ASIC2: variants seen among roughly 807,000 people sequenced by gnomAD.
ASIC2 encodes the protein acid sensing ion channel subunit 2.
Under a neutral mutation model 57.3 loss-of-function variants are expected in ASIC2, and 25 were observed. The observed-to-expected ratio is 0.44, with a 90% CI of 0.32 to 0.61. The LOEUF is 0.61. ASIC2 is among the 20% of genes least tolerant of loss of function. ASIC2 has a pLI of 0.06. For missense variants in ASIC2, 641 were observed against 738.1 expected, an observed-to-expected ratio of 0.87 and a Z score of 1.52; for synonymous variants, 319 against 307.5, an observed-to-expected ratio of 1.04 and a Z score of -0.39.
At chr17:33,979,924 A>C (rs955734053) in intron 1 of ASIC2, among the ~76,000 whole-genome samples, 2 of 152,014 alleles carry the variant, frequency 1.3e-5, no homozygotes, top group Non-Finnish European at 2.9e-5. Flanking sequence ...AAGTAACTAG[A>C]CTTCTCTCTG....
chr17:33,582,145 A>G lies in ASIC2; in HGVS notation c.556-470078T>C, dbSNP rs537897261. 6.6e-5 allele frequency among the ~76,000 whole-genome samples: 10 copies of G among 152,314 alleles called. No homozygotes were observed. The East Asian group carries it at 1.9e-3, about 29-fold the overall frequency. ...TAGTTTTAAGCCACCGAGTTTGGCA[A>G]TTTGTTACAACAGCTGTCGAAAATG... is the stretch of plus-strand genomic sequence containing the variant. On this transcript the variant is annotated intron_variant, in intron 1 of 9. Transcript: ENST00000359872.
chr17:33,332,400 A>C (rs1264468872), intron 1 of ASIC2, among the ~76,000 whole-genome samples: 1 of 152,350 alleles, frequency 6.6e-6, no homozygotes, highest in Admixed American at 6.5e-5. Flanking sequence ...CAAAAAAAGA[A>C]TCACTAGGAC....
intron 1 of ASIC2, among the ~76,000 whole-genome samples, chr17:33,582,442 C>T (rs544234559): frequency 3.9e-5 from 6 of 152,266 alleles, no homozygotes; most frequent in South Asian, 4.2e-4. Flanking sequence ...GAGAGGTTAG[C>T]GCTTAAGAGT....
At chr17:33,102,356 G>A (rs56219671) in intron 2 of ASIC2, among the ~76,000 whole-genome samples, 15,479 of 152,134 alleles carry the variant, frequency 0.1, 922 homozygotes, top group African/African-American at 0.15. Flanking sequence ...TTCTCATTCC[G>A]GATCCCAGGT....
chr17:34,055,822 C>A (rs1437822203), intron 1 of ASIC2, among the ~76,000 whole-genome samples: 1 of 152,146 alleles, frequency 6.6e-6, no homozygotes, highest in Admixed American at 6.5e-5. Flanking sequence ...TGTAAATAAA[C>A]CTGCTATGAA....
intron 1 of ASIC2, among the ~76,000 whole-genome samples, chr17:33,589,962 A>G (rs754430796): frequency 2.0e-4 from 31 of 152,212 alleles, no homozygotes; most frequent in Non-Finnish European, 4.4e-4. Context: ...GCAAACACAC[A>G]GTAGATTAAT....
intron 1 of ASIC2, among the ~76,000 whole-genome samples, chr17:33,275,344 C>T (rs959719643): frequency 4.6e-5 from 7 of 152,120 alleles, no homozygotes; most frequent in African/African-American, 1.7e-4. Context: ...CCTGCTTTTT[C>T]GAAAATCTGA....
chr17:33,476,252 A>G (rs1913215192), intron 1 of ASIC2, among the ~76,000 whole-genome samples: 1 of 152,140 alleles, frequency 6.6e-6, no homozygotes, highest in African/African-American at 2.4e-5. Context: ...GACCACCATC[A>G]CTGCGACCTC....
intron 1 of ASIC2, among the ~76,000 whole-genome samples, chr17:33,620,240 G>GAAAAAAAAAAAAAAAAAAAAA (rs35560840): frequency 1.3e-5 from 1 of 74,900 alleles, no homozygotes; most frequent in African/African-American, 4.6e-5. Context: ...AGAGGAAAAT[G>GAAAAAAAAAAAAAAAAAAAAA]AAAAAAAAAA....
rs141120078 is a variant in ASIC2, at chr17:34,146,219, G to A, written c.555+9759C>T. Reference sequence around the variant, plus strand: ...AGGGCCACCCTTGGGAATTGTTATCGCCGTCTTGAGTTGAAAACACAGATT... The same window carrying A: ...AGGGCCACCCTTGGGAATTGTTATCACCGTCTTGAGTTGAAAACACAGATT... On this transcript the variant is annotated intron_variant, in intron 1 of 9. Coordinates refer to the ASIC2 transcript ENST00000359872. Among the ~76,000 whole-genome samples the A allele has an allele frequency of 4.5e-4, 68 of 152,234 alleles. No homozygotes were observed. The East Asian group carries it at 0.01, about 23-fold the overall frequency.
In ASIC2 at chr17:33,475,178, A is replaced by G. The variant is rs183952005; in HGVS notation, c.556-363111T>C. 9.1e-4 allele frequency among the ~76,000 whole-genome samples: 139 copies of G among 152,256 alleles called. 1 individual carries two copies. Among genetic ancestry groups the G allele is most frequent in the African/African-American group, 3.3e-3 (136 of 41,552 alleles). ...CTGGAACTCTCTGCTGCCCTTCGAA[A>G]AGTCATAACCTACCTAAACATTCAG... On this transcript the variant is annotated intron_variant, in intron 1 of 9. Coordinates refer to the ASIC2 transcript ENST00000359872.
intron 1 of ASIC2, among the ~76,000 whole-genome samples, chr17:33,896,032 T>C (rs1264572803): frequency 1.3e-5 from 2 of 152,242 alleles, no homozygotes; most frequent in African/African-American, 4.8e-5. Context: ...AAGCACTTTT[T>C]CAGTAGGCAC....
intron 1 of ASIC2, among the ~76,000 whole-genome samples, chr17:33,823,459 C>T (rs1047736303): frequency 1.3e-5 from 2 of 152,336 alleles, no homozygotes; most frequent in East Asian, 3.9e-4. Flanking sequence ...CCCCAGAGAG[C>T]TGTGTCCATG....
intron 1 of ASIC2, among the ~76,000 whole-genome samples, chr17:33,662,177 C>A (rs1907289419): frequency 6.6e-6 from 1 of 152,142 alleles, no homozygotes; most frequent in East Asian, 1.9e-4. Context: ...AGAAGCTAAG[C>A]CACTTGCCTC....
At chr17:33,932,057 A>G (rs1915942922) in intron 1 of ASIC2, among the ~76,000 whole-genome samples, 1 of 152,142 alleles carries the variant, frequency 6.6e-6, no homozygotes, top group South Asian at 2.1e-4. Context: ...GAGCTGAGCC[A>G]GGCCAGGTAG....
At chr17:34,129,441 G>A (rs568609330) in intron 1 of ASIC2, among the ~76,000 whole-genome samples, 1 of 152,302 alleles carries the variant, frequency 6.6e-6, no homozygotes, top group South Asian at 2.1e-4. Flanking sequence ...ATCCTGGTAG[G>A]ACATGACCGC....
At chr17:33,751,020 A>T (rs1910413720) in intron 1 of ASIC2, among the ~76,000 whole-genome samples, 1 of 152,286 alleles carries the variant, frequency 6.6e-6, no homozygotes, top group East Asian at 1.9e-4. Context: ...CCCTTTTGTT[A>T]TGAAAATGAA....
At chr17:33,780,132 G>A (rs888810210) in intron 1 of ASIC2, among the ~76,000 whole-genome samples, 10 of 151,808 alleles carry the variant, frequency 6.6e-5, no homozygotes, top group African/African-American at 2.4e-4. Flanking sequence ...CACCATGCCT[G>A]CCTAATTTTT....
chr17:33,650,211 G>T (rs953272434), intron 1 of ASIC2, among the ~76,000 whole-genome samples: 1 of 152,074 alleles, frequency 6.6e-6, no homozygotes, highest in Non-Finnish European at 1.5e-5. Context: ...ATATACAGAT[G>T]GCAAATAAGC....
Sources: gnomAD v4.1 joint callset for allele counts (sites outside exome capture counted in the v4.1 genomes callset) on GRCh38, gnomAD v4.1.1 for gene constraint, MANE v1.5 for transcripts, NCBI Gene and HGNC (gene_info 2026-07-23, HGNC 2026-07-21) for gene names.